The following TP63 variants were observed in gnomAD, a reference collection of about 807,000 sequenced individuals.
The protein encoded by TP63 is tumor protein 63.
TP63 carries 17 observed loss-of-function variants against 82.8 expected under a neutral mutation model. The observed-to-expected ratio is 0.21, with a 90% CI of 0.14 to 0.31. The LOEUF (loss-of-function observed/expected upper bound fraction) is 0.31. Ranked by LOEUF, TP63 falls within the 10% of genes least tolerant of loss-of-function variation. TP63 has a pLI of 1.00. For missense variants in TP63, 648 were observed against 895.3 expected (o/e 0.72, Z 3.52); for synonymous variants, 330 against 321.7 (o/e 1.03, Z -0.28).
intron 1 of TP63, among the ~76,000 whole-genome samples, chr3:189,666,531 C>A (rs1714404109): frequency 6.6e-6 from 1 of 151,944 alleles, no homozygotes; most frequent in Non-Finnish European, 1.5e-5. Context: ...AACCTATAGT[C>A]TGAAATCCAA....
intron 3 of TP63, among the ~76,000 whole-genome samples, chr3:189,770,215 G>A (rs1723235801): frequency 6.6e-6 from 1 of 152,040 alleles, no homozygotes; most frequent in Non-Finnish European, 1.5e-5. Flanking sequence ...CCTTATCATT[G>A]GGGCACCATC....
the TP63 span, among the ~76,000 whole-genome samples, chr3:189,601,230 G>A: frequency 7.2e-5 from 11 of 152,204 alleles, no homozygotes; most frequent in East Asian, 1.9e-4. Flanking sequence ...TGAGAATTTC[G>A]CGGGGAGAGG....
At chr3:189,713,411 T>G (rs960234956) in intron 1 of TP63, among the ~76,000 whole-genome samples, 5 of 152,226 alleles carry the variant, frequency 3.3e-5, no homozygotes, top group Non-Finnish European at 5.9e-5. Context: ...CTTGAGTTTT[T>G]GGATAAATAC....
chr3:189,783,081 G>A (rs1239932093), intron 3 of TP63, among the ~76,000 whole-genome samples: 2 of 151,852 alleles, frequency 1.3e-5, no homozygotes, highest in Non-Finnish European at 2.9e-5. Context: ...TATGATTATA[G>A]CGGTAAAGAA....
chr3:189,710,343 C>T (rs866415150), intron 1 of TP63, among the ~76,000 whole-genome samples: 5 of 152,144 alleles, frequency 3.3e-5, no homozygotes, highest in South Asian at 2.1e-4. Context: ...AGGATTTGAA[C>T]TCAGCTACAA....
chr3:189,751,031 G>C (rs187711007), intron 3 of TP63, among the ~76,000 whole-genome samples: 2 of 152,134 alleles, frequency 1.3e-5, no homozygotes, highest in Non-Finnish European at 2.9e-5. Context: ...CAAGTGTTCT[G>C]ATTGTTCAGT....
intron 1 of TP63, among the ~76,000 whole-genome samples, chr3:189,699,484 T>G (rs1228124392): frequency 6.6e-6 from 1 of 152,208 alleles, no homozygotes; most frequent in African/African-American, 2.4e-5. Context: ...AGAGAATGCA[T>G]TAAATGATTC....
intron 1 of TP63, among the ~76,000 whole-genome samples, chr3:189,712,732 A>T (rs1319501800): frequency 2.0e-5 from 3 of 151,930 alleles, no homozygotes; most frequent in Non-Finnish European, 4.4e-5. Context: ...TAAGAAGACA[A>T]ATATGGAAAG....
At chr3:189,684,089 T>G (rs1716206801) in intron 1 of TP63, among the ~76,000 whole-genome samples, 1 of 152,164 alleles carries the variant, frequency 6.6e-6, no homozygotes, top group South Asian at 2.1e-4. Context: ...CAGCATGATG[T>G]GGATTTTCTG....
At chr3:189,634,164 A>G (rs563553088) in intron 1 of TP63, among the ~76,000 whole-genome samples, 1 of 152,008 alleles carries the variant, frequency 6.6e-6, no homozygotes, top group South Asian at 2.1e-4. Context: ...CGGTTTACAA[A>G]AAGCTATTTT....
chr3:189,600,613 A>G, the TP63 span, among the ~76,000 whole-genome samples: 271 of 152,222 alleles, frequency 1.8e-3, no homozygotes, highest in African/African-American at 2.4e-3. Flanking sequence ...ATTAAACTCT[A>G]CTGCCTCTTT....
chr3:189,770,458 G>C lies in TP63; in HGVS notation c.324+31684G>C, dbSNP rs371110564. Among the ~76,000 whole-genome samples, 224 of 151,838 alleles carry C rather than the reference G, an allele frequency of 1.5e-3. 1 individual carries two copies. Among genetic ancestry groups the C allele is most frequent in the African/African-American group, 5.1e-3 (210 of 41,302 alleles). ...CACATGCCCATAATCCCAGCTGCTC[G>C]GGGGGCTGAGGCAGGAGGATTGCTG... On this transcript the variant is annotated intron_variant, in intron 3 of 13. Coordinates refer to ENST00000264731, the MANE Select transcript of TP63 (RefSeq NM_003722.5).
intron 1 of TP63, among the ~76,000 whole-genome samples, chr3:189,663,263 A>T (rs183847394): frequency 6.6e-6 from 1 of 151,898 alleles, no homozygotes; most frequent in African/African-American, 2.4e-5. Flanking sequence ...AATATAAGAT[A>T]GGTTCTGGAA....
chr3:189,761,105 G>T (rs1223287881), intron 3 of TP63, among the ~76,000 whole-genome samples: 1 of 152,132 alleles, frequency 6.6e-6, no homozygotes, highest in Non-Finnish European at 1.5e-5. Flanking sequence ...GATGGGAGAG[G>T]TTGCCACATA....
At chr3:189,878,889 C>A (rs966160129) in intron 10 of TP63, among the ~76,000 whole-genome samples, 1 of 128,254 alleles carries the variant, frequency 7.8e-6, no homozygotes, top group Admixed American at 7.7e-5. Context: ...TGGCCTCCCA[C>A]AGTGCTGGGA....
chr3:189,755,033 G>C (rs889680589), intron 3 of TP63, among the ~76,000 whole-genome samples: 5 of 152,098 alleles, frequency 3.3e-5, no homozygotes, highest in African/African-American at 9.7e-5. Context: ...AGACACACTA[G>C]AGTTGAAATT....
intron 1 of TP63, among the ~76,000 whole-genome samples, chr3:189,658,122 G>A (rs1294211092): frequency 2.0e-5 from 3 of 151,864 alleles, no homozygotes; most frequent in Non-Finnish European, 2.9e-5. Context: ...ACATAATAAC[G>A]GGGATATGTC....
chr3:189,721,416 C>G (rs1000047945), intron 1 of TP63, among the ~76,000 whole-genome samples: 1 of 151,376 alleles, frequency 6.6e-6, no homozygotes, highest in East Asian at 1.9e-4. Flanking sequence ...GGGATTCCCC[C>G]GTAGTTACCT....
At chr3:189,693,046 CAGG>C (rs1717070448) in intron 1 of TP63, among the ~76,000 whole-genome samples, 1 of 152,112 alleles carries the variant, frequency 6.6e-6, no homozygotes, top group South Asian at 2.1e-4. Flanking sequence ...TCAGTGTTTT[CAGG>C]AGAATAACTA....
Sources: allele counts gnomAD v4.1 joint callset (sites outside exome capture counted in the v4.1 genomes callset), GRCh38; gene constraint gnomAD v4.1.1; transcripts MANE v1.5; gene names NCBI Gene and HGNC (gene_info 2026-07-23, HGNC 2026-07-21).